The following ZNF563 variants were observed in gnomAD, a reference collection of about 807,000 sequenced individuals.
ZNF563 encodes zinc finger protein 563.
ZNF563 carries 39 observed loss-of-function variants against 48.5 expected under a neutral mutation model. That is an observed-to-expected ratio of 0.80 (90% confidence interval 0.62 to 1.05). The LOEUF (loss-of-function observed/expected upper bound fraction) is 1.05. Ranked by LOEUF, ZNF563 falls within the 50% of genes least tolerant of loss-of-function variation. The pLI is 0.00. For synonymous variants in ZNF563, 168 were observed against 187.9 expected, an observed-to-expected ratio of 0.89 and a Z score of 0.87; for missense variants, 538 against 597.0, an observed-to-expected ratio of 0.90 and a Z score of 1.03.
the ZNF563 span, among the ~76,000 whole-genome samples, chr19:12,341,557 AG>A: frequency 6.6e-6 from 1 of 152,158 alleles, no homozygotes; most frequent in South Asian, 2.1e-4. Flanking sequence ...CAAATAGAAC[AG>A]GGGGGGCTAC....
At chr19:12,333,251 G>A (rs1968966287) in intron 1 of ZNF563, among the ~76,000 whole-genome samples, 1 of 152,198 alleles carries the variant, frequency 6.6e-6, no homozygotes, top group Admixed American at 6.5e-5. Flanking sequence ...GGGCTCCGAG[G>A]CCGGGACCGC....
chr19:12,344,965 T>C, the ZNF563 span, among the ~76,000 whole-genome samples: 2 of 151,374 alleles, frequency 1.3e-5, no homozygotes, highest in South Asian at 4.2e-4. Context: ...AAAAAGAAAA[T>C]TAAGAAAATA....
the ZNF563 span, among the ~76,000 whole-genome samples, chr19:12,345,470 G>A: frequency 1.3e-5 from 2 of 152,168 alleles, no homozygotes; most frequent in South Asian, 2.1e-4. Flanking sequence ...TGCCAAGACC[G>A]TTCTTTGGTA....
intron 1 of ZNF563, among the ~76,000 whole-genome samples, chr19:12,329,925 C>A (rs994510891): frequency 6.9e-6 from 1 of 145,656 alleles, no homozygotes; most frequent in South Asian, 2.2e-4. Context: ...CTTTTCTTTT[C>A]TTTTTTTTTT....
In ZNF563 at chr19:12,318,585, A is replaced by G. The variant is rs377714406; in HGVS notation, c.*9T>C. On this transcript the variant is annotated 3_prime_UTR_variant, in exon 4 of 4. Coordinates refer to ENST00000293725, the MANE Select transcript of ZNF563 (RefSeq NM_145276.3). ...CTGGAAATATAGAAGGCTTTATAAT[A>G]GTTTACATTCATATTGTTTCTCTCC... 986 of 1,606,790 alleles carry G rather than the reference A, an allele frequency of 6.1e-4. 1 individual carries two copies. The highest frequency in any genetic ancestry group is 7.8e-4 in the Non-Finnish European group (919 of 1,176,116).
chr19:12,346,326 C>T, the ZNF563 span: 3 of 151,668 alleles, frequency 2.0e-5, no homozygotes, highest in East Asian at 1.9e-4. Context: ...AAACAACCAA[C>T]AAAAACAAAA....
In ZNF563 at chr19:12,318,931, T is replaced by C. The variant is rs747447729; in HGVS notation, c.1094A>G (p.Tyr365Cys). ...CGTTTTCCCACACTGCTTGCATTCA[T>C]AGGGTTTCTCTCCAGTGTGAATTCG... ...HERIHTGEKPYECKQCGKTLS... is the reference protein window; with the variant it reads ...HERIHTGEKPCECKQCGKTLS... The change falls in exon 4 of 4, where the codon TAT (tyrosine) becomes TGT (cysteine). Residue 365 changes from tyrosine (Y) to cysteine (C), a missense_variant. Transcript: ENST00000293725. 4 of 1,614,146 alleles carry C rather than the reference T, an allele frequency of 2.5e-6. No homozygotes were observed. Among genetic ancestry groups the C allele is most frequent in the African/African-American group, 1.3e-5 (1 of 74,958 alleles).
intron 1 of ZNF563, among the ~76,000 whole-genome samples, chr19:12,323,266 G>A (rs1265150203): frequency 6.6e-6 from 1 of 152,176 alleles, no homozygotes; most frequent in Admixed American, 6.5e-5. Context: ...CTCAGCAGAG[G>A]GAGTGTATGT....
chr19:12,343,403 G>A, the ZNF563 span, among the ~76,000 whole-genome samples: 9 of 152,166 alleles, frequency 5.9e-5, no homozygotes, highest in Non-Finnish European at 1.3e-4. Context: ...CTAGGCTGTA[G>A]TGCACCATAA....
chr19:12,324,092 TCATGC>T (rs1968706450), intron 1 of ZNF563, among the ~76,000 whole-genome samples: 1 of 152,158 alleles, frequency 6.6e-6, no homozygotes, highest in South Asian at 2.1e-4. Flanking sequence ...GTACCATGGC[TCATGC>T]CTGTAATCTC....
At chr19:12,327,163 A>T (rs1354768261) in intron 1 of ZNF563, among the ~76,000 whole-genome samples, 1 of 152,160 alleles carries the variant, frequency 6.6e-6, no homozygotes, top group Non-Finnish European at 1.5e-5. Flanking sequence ...TCAAAGACGG[A>T]AATAGAGAGG....
chr19:12,330,431 G>A (rs542714738), intron 1 of ZNF563, among the ~76,000 whole-genome samples: 17 of 152,284 alleles, frequency 1.1e-4, no homozygotes, highest in African/African-American at 2.9e-4. Flanking sequence ...TTTAAGGCAC[G>A]TAGTTTATGG....
chr19:12,326,262 G>A (rs1968792417), intron 1 of ZNF563, among the ~76,000 whole-genome samples: 1 of 152,100 alleles, frequency 6.6e-6, no homozygotes, highest in African/African-American at 2.4e-5. Context: ...ATTAGAAATT[G>A]AGCAATATAG....
chr19:12,335,508 C>T (rs1318882168), upstream of ZNF563, among the ~76,000 whole-genome samples: 13 of 152,202 alleles, frequency 8.5e-5, no homozygotes, highest in Admixed American at 8.5e-4. Flanking sequence ...ATATAAAATA[C>T]ACTAACACTA....
At chr19:12,346,909 G>A in the ZNF563 span, 1 of 152,224 alleles carries the variant, frequency 6.6e-6, no homozygotes, top group Non-Finnish European at 1.5e-5. Flanking sequence ...GACAGAGAAA[G>A]TAGAATGGAG....
At chr19:12,325,516 A>G (rs1968772369) in intron 1 of ZNF563, among the ~76,000 whole-genome samples, 1 of 152,124 alleles carries the variant, frequency 6.6e-6, no homozygotes, top group South Asian at 2.1e-4. Context: ...TAAGTCTAAA[A>G]GGAAAAAACT....
the ZNF563 span, among the ~76,000 whole-genome samples, chr19:12,345,457 C>T: frequency 2.6e-5 from 4 of 152,166 alleles, no homozygotes; most frequent in Non-Finnish European, 4.4e-5. Flanking sequence ...TTTTTGACAA[C>T]AGTGCCAAGA....
At chr19:12,344,312 G>C in the ZNF563 span, among the ~76,000 whole-genome samples, 1 of 149,078 alleles carries the variant, frequency 6.7e-6, no homozygotes, top group Non-Finnish European at 1.5e-5. Flanking sequence ...AGTATCACCT[G>C]AGCCCGCACC....
intron 1 of ZNF563, among the ~76,000 whole-genome samples, chr19:12,332,347 C>CT (rs567439951): frequency 0.025 from 3,310 of 135,048 alleles, 81 homozygotes; most frequent in African/African-American, 0.049. Context: ...TTTCTTTTTT[C>CT]TTTTTTTTTT....
Sources: gnomAD v4.1 joint callset for allele counts (sites outside exome capture counted in the v4.1 genomes callset) on GRCh38, gnomAD v4.1.1 for gene constraint, MANE v1.5 for transcripts, NCBI Gene and HGNC (gene_info 2026-07-23, HGNC 2026-07-21) for gene names.